Variants in CC2D2B observed in about 807,000 individuals in gnomAD.
CC2D2B encodes coiled-coil and C2 domain containing 2B.
In CC2D2B, 128 loss-of-function variants were observed where a neutral mutation model predicts 161.2. The ratio of observed to expected loss-of-function variants is 0.79; its 90% confidence interval spans 0.69 to 0.92. The LOEUF (loss-of-function observed/expected upper bound fraction) is 0.92, where lower values mean the gene tolerates loss of function less well. Ranked by LOEUF, CC2D2B falls within the 40% of genes least tolerant of loss-of-function variation. CC2D2B has a pLI of 0.00. For synonymous variants in CC2D2B, 391 were observed against 449.8 expected, an observed-to-expected ratio of 0.87 and a Z score of 1.65; for missense variants, 1,173 against 1,375.1, an observed-to-expected ratio of 0.85 and a Z score of 2.32.
At chr10:95,982,259 T>C (rs773037515) in intron 18 of CC2D2B, 146 bp downstream of exon 18, 1 of 461,188 alleles carries the variant, frequency 2.2e-6, no homozygotes, top group Non-Finnish European at 3.5e-6. Flanking sequence ...GAGACCATTT[T>C]CAACCAGTGT....
chr10:95,962,925 A>G (rs781037431), intron 12 of CC2D2B, among the ~76,000 whole-genome samples: 33 of 152,152 alleles, frequency 2.2e-4, no homozygotes, highest in Admixed American at 6.6e-4. Flanking sequence ...TCCCTGAGCA[A>G]CAAAGAGGAG....
At chr10:95,988,428 G>T (rs567004015) in intron 20 of CC2D2B, 86 bp downstream of exon 20, 29 of 516,268 alleles carry the variant, frequency 5.6e-5, no homozygotes, top group African/African-American at 4.9e-4. Context: ...TCCTTCCAGA[G>T]AGTCAGATGG....
chr10:95,983,911 C>G, intron 19 of CC2D2B, 102 bp downstream of exon 19: 1 of 510,916 alleles, frequency 2.0e-6, no homozygotes, highest in East Asian at 3.5e-5. Context: ...AGCTAATAAT[C>G]TGTAGACAGA....
At chr10:95,986,052 G>A (rs959662427) in intron 19 of CC2D2B, among the ~76,000 whole-genome samples, 6 of 151,770 alleles carry the variant, frequency 4.0e-5, no homozygotes, top group East Asian at 3.9e-4. Flanking sequence ...TTTTAATTTC[G>A]CCCCGGCCCT....
chr10:96,032,295 C>T lies in CC2D2B; in HGVS notation c.*287C>T, dbSNP rs914969852. 4.0e-5 allele frequency: 12 copies of T among 300,820 alleles called. No homozygotes were observed. The East Asian group carries it at 5.6e-4, about 14-fold the overall frequency. The allele number at this position is 300,820 out of a possible 1,614,324, so 18.6% of individuals were successfully genotyped here. On this transcript the variant is annotated 3_prime_UTR_variant, in exon 35 of 35. Coordinates refer to ENST00000646931, the MANE Select transcript of CC2D2B (RefSeq NM_001349008.3). ...AGTAGGTCTTATTCTGGGAAAGAAG[C>T]AATTTTGGCCTCTTCTCCTAAGACC...
At chr10:95,941,889 A>G (rs948850438) in intron 9 of CC2D2B, among the ~76,000 whole-genome samples, 1 of 152,210 alleles carries the variant, frequency 6.6e-6, no homozygotes, top group African/African-American at 2.4e-5. Context: ...TGATATTTGC[A>G]TTCCCATGTT....
intron 22 of CC2D2B, among the ~76,000 whole-genome samples, chr10:95,993,943 T>G (rs2078105258): frequency 6.9e-5 from 1 of 14,474 alleles, no homozygotes; most frequent in African/African-American, 2.9e-4. Flanking sequence ...TGTGTGTGTG[T>G]ATGTATGTGT....
chr10:95,917,980 T>G (rs916595205), intron 2 of CC2D2B, among the ~76,000 whole-genome samples: 3 of 152,142 alleles, frequency 2.0e-5, no homozygotes, highest in Admixed American at 1.3e-4. Context: ...TTTCACCATA[T>G]TGGTCAGGCG....
rs187275469 is a variant in CC2D2B, at chr10:95,976,107, G to C, written c.1943+1951G>C. 8.6e-3 allele frequency among the ~76,000 whole-genome samples: 1,301 copies of C among 152,018 alleles called. 29 individuals carry two copies. The highest frequency in any genetic ancestry group is 0.03 in the African/African-American group (1,245 of 41,476). ...AACTTGTCCATCTCCCTAGGCTGTTGGTCTTTTGTACCCAAAAGCCTTCTT... is the reference window on the plus strand; with the variant it reads ...AACTTGTCCATCTCCCTAGGCTGTTCGTCTTTTGTACCCAAAAGCCTTCTT... On this transcript the variant is annotated intron_variant, in intron 17 of 34. Transcript: ENST00000646931.
chr10:96,027,051 A>T (rs1347001748), intron 33 of CC2D2B, among the ~76,000 whole-genome samples, 161 bp from the exon 34 acceptor site: 1 of 151,898 alleles, frequency 6.6e-6, no homozygotes, highest in East Asian at 1.9e-4. Context: ...TGAACCCGGG[A>T]GGCAGAGGTT....
At position 95,966,174 on chromosome 10, in the gene CC2D2B, A is replaced by G. The variant is rs1259598023; in HGVS notation, c.1354-16A>G. The G allele has an allele frequency of 9.8e-7, 1 of 1,020,826 alleles. No homozygotes were observed. Among genetic ancestry groups the G allele is most frequent in the Non-Finnish European group, 1.3e-6 (1 of 795,686 alleles). The allele number at this position is 1,020,826 out of a possible 1,614,324, so 63.2% of individuals were successfully genotyped here. A position where few individuals can be genotyped will look rare whatever the true frequency, so the allele number is the denominator to read the frequency against. ...GATGTACATGGCAAATCATATATTT[A>G]TTTTTTGATTTCTAGAGCCTCTCAT... is the stretch of plus-strand genomic sequence containing the variant. On this transcript the variant is annotated splice_polypyrimidine_tract_variant and intron_variant, in intron 13 of 34. Transcript: ENST00000646931.
intron 32 of CC2D2B, chr10:96,021,452 G>A (rs1249668498): frequency 6.6e-6 from 1 of 152,234 alleles, no homozygotes; most frequent in African/African-American, 2.4e-5. Flanking sequence ...TTGACTGTCA[G>A]TGCATTACAT....
chr10:95,918,458 T>C (rs2098520729), intron 2 of CC2D2B, among the ~76,000 whole-genome samples: 1 of 152,214 alleles, frequency 6.6e-6, no homozygotes, highest in Non-Finnish European at 1.5e-5. Context: ...GCCTGTAAGG[T>C]TTTCACTGAG....
At chr10:96,014,852 C>G (rs1358390401) in intron 29 of CC2D2B, among the ~76,000 whole-genome samples, 1 of 152,144 alleles carries the variant, frequency 6.6e-6, no homozygotes, top group Non-Finnish European at 1.5e-5. Flanking sequence ...TTCAGAAGGG[C>G]CTCCTTAACT....
chr10:95,925,077 T>TA (rs2098536014), intron 5 of CC2D2B, among the ~76,000 whole-genome samples: 1 of 152,166 alleles, frequency 6.6e-6, no homozygotes, highest in Admixed American at 6.5e-5. Flanking sequence ...CTTTTTATCC[T>TA]AAAAAATTAT....
At chr10:95,959,348 A>G (rs1245891984) in intron 11 of CC2D2B, among the ~76,000 whole-genome samples, 1 of 152,182 alleles carries the variant, frequency 6.6e-6, no homozygotes, top group East Asian at 1.9e-4. Context: ...AGACCACTGA[A>G]TCGGGAACTC....
intron 25 of CC2D2B, among the ~76,000 whole-genome samples, chr10:96,007,019 CTTTTTA>C (rs924090208): frequency 8.5e-5 from 13 of 152,086 alleles, no homozygotes; most frequent in Non-Finnish European, 1.5e-4. Flanking sequence ...ATTTTACATA[CTTTTTA>C]TTTTTATTTG....
At chr10:95,932,780 T>TA (rs1361838715) in intron 6 of CC2D2B, among the ~76,000 whole-genome samples, 1 of 152,210 alleles carries the variant, frequency 6.6e-6, no homozygotes, top group Non-Finnish European at 1.5e-5. Flanking sequence ...CCTTTGTGGG[T>TA]AACTTGACCT....
chr10:95,965,600 C>G (rs547842014), intron 12 of CC2D2B, among the ~76,000 whole-genome samples: 32 of 152,148 alleles, frequency 2.1e-4, no homozygotes, highest in African/African-American at 7.7e-4. Context: ...CCCCATTCCC[C>G]TGTTACTTAT....
Sources: allele counts gnomAD v4.1 joint callset (sites outside exome capture counted in the v4.1 genomes callset), GRCh38; gene constraint gnomAD v4.1.1; transcripts MANE v1.5; gene names NCBI Gene and HGNC (gene_info 2026-07-23, HGNC 2026-07-21).